The following MDM4 variants were observed in gnomAD, a reference collection of about 807,000 sequenced individuals.
The protein encoded by MDM4 is protein Mdm4.
Under a neutral mutation model 60.2 loss-of-function variants are expected in MDM4, and 2 were observed. The ratio of observed to expected loss-of-function variants is 0.03; its 90% CI spans 0.01 to 0.10. MDM4 has a LOEUF of 0.10. Ranked by LOEUF, MDM4 falls within the 10% of genes least tolerant of loss-of-function variation. MDM4 has a pLI of 1.00. For missense variants in MDM4, 447 were observed against 577.5 expected, an observed-to-expected ratio of 0.77 and a Z score of 2.32; for synonymous variants, 202 against 198.1, an observed-to-expected ratio of 1.02 and a Z score of -0.17.
At chr1:204,528,589 C>T (rs888784809) in intron 3 of MDM4, among the ~76,000 whole-genome samples, 5 of 152,188 alleles carry the variant, frequency 3.3e-5, no homozygotes, top group Non-Finnish European at 5.9e-5. Context: ...CACTCAACTG[C>T]TCATGGCCGT....
In MDM4 at chr1:204,550,019, A is replaced by G. The variant is rs1477645186; in HGVS notation, c.*337A>G. On this transcript the variant is annotated 3_prime_UTR_variant, in exon 11 of 11. Transcript: ENST00000367182. ...AAAGTGTTTCCTTCTAACGAGTTGT[A>G]GAAATCTGAGTAACCACCCAAAAAA... The G allele has an allele frequency of 4.0e-6, 1 of 249,822 alleles. No individual in the cohort carries two copies. 15.5% of individuals were successfully genotyped at this position (249,822 alleles called of 1,614,324 possible). A position where few individuals can be genotyped will look rare whatever the true frequency, so the allele number is the denominator to read the frequency against.
chr1:204,538,869 C>CTTTT (rs34355422), intron 7 of MDM4, among the ~76,000 whole-genome samples: 7 of 117,678 alleles, frequency 5.9e-5, no homozygotes, highest in Non-Finnish European at 1.0e-4. Flanking sequence ...CCACGCCTGG[C>CTTTT]TTTTTTTTTT....
At chr1:204,535,429 T>G (rs1233151752) in intron 5 of MDM4, among the ~76,000 whole-genome samples, 1 of 152,192 alleles carries the variant, frequency 6.6e-6, no homozygotes, top group East Asian at 1.9e-4. Context: ...AGTACTGGGA[T>G]TACAGGCGTG....
Position 204,544,660 on chromosome 1 carries a change from A to G in MDM4, c.798A>G (p.Glu266=), listed in dbSNP as rs778004924. 12 of 1,612,872 alleles carry G rather than the reference A, an allele frequency of 7.4e-6. No homozygotes were observed. Among genetic ancestry groups the G allele is most frequent in the Non-Finnish European group, 9.3e-6 (11 of 1,179,076 alleles). Residue 266 remains glutamate (E), a synonymous_variant, in exon 9 of 11, where the codon GAA becomes GAG. Coordinates refer to ENST00000367182, the MANE Select transcript of MDM4 (RefSeq NM_002393.5). ...CTGATACTGAACAAACAAGTGAAGA[A>G]GTAGGGAAAGTAAGTGACAAAAAGG... The part of the protein sequence containing the change: ...EAADTEQTSE[E]VGKVSDKKVI...
chr1:204,521,172 A>T (rs566395784), intron 1 of MDM4, among the ~76,000 whole-genome samples: 133 of 152,322 alleles, frequency 8.7e-4, no homozygotes, highest in African/African-American at 3.0e-3. Flanking sequence ...GTTTATATGT[A>T]TGCCTGGTAC....
chr1:204,529,439 A>T, intron 3 of MDM4: 2 of 1,499,018 alleles, frequency 1.3e-6, no homozygotes, highest in Non-Finnish European at 1.8e-6. Context: ...GGCCCCCTGG[A>T]GCTGTACCAT....
intron 5 of MDM4, chr1:204,532,529 T>C: frequency 1.8e-6 from 1 of 553,788 alleles, no homozygotes; most frequent in Non-Finnish European, 3.1e-6. Flanking sequence ...AGGACTTTTT[T>C]CTCCAAACAT....
intron 9 of MDM4, 81 bp downstream of exon 9, chr1:204,544,765 T>A (rs966767650): frequency 7.1e-6 from 9 of 1,266,242 alleles, no homozygotes; most frequent in Non-Finnish European, 7.6e-6. Flanking sequence ...TATCTGTTTT[T>A]ACAACAGATT....
intron 1 of MDM4, among the ~76,000 whole-genome samples, chr1:204,522,940 G>T (rs1423797856): frequency 6.7e-6 from 1 of 149,154 alleles, no homozygotes; most frequent in African/African-American, 2.5e-5. Context: ...TCAGCTCACT[G>T]CAACCTCCGC....
chr1:204,528,836 T>G, intron 3 of MDM4: 1 of 1,511,112 alleles, frequency 6.6e-7, no homozygotes, highest in Non-Finnish European at 9.2e-7. Context: ...TCTCCACAGA[T>G]GGGTTGGGTC....
rs1212407814 is a variant in MDM4 at position 204,558,002 on chromosome 1, GT to G, written c.*8324del. ...AAGGCATTTTCTGCATTCTTGCCTA[GT>G]TTTCCTTATAAGCACCACTAAGTTA... On this transcript the variant is annotated 3_prime_UTR_variant, in exon 11 of 11. Coordinates refer to ENST00000367182, the MANE Select transcript of MDM4 (RefSeq NM_002393.5). The G allele has an allele frequency of 5.4e-6, 1 of 185,606 alleles. No homozygotes were observed. Among genetic ancestry groups the G allele is most frequent in the Non-Finnish European group, 1.1e-5 (1 of 88,000 alleles). 11.5% of individuals were successfully genotyped at this position (185,606 alleles called of 1,614,324 possible). A position where few individuals can be genotyped will look rare whatever the true frequency, so the allele number is the denominator to read the frequency against.
intron 7 of MDM4, among the ~76,000 whole-genome samples, chr1:204,539,941 T>C (rs751272871): frequency 3.3e-5 from 5 of 152,088 alleles, no homozygotes; most frequent in Non-Finnish European, 7.4e-5. Context: ...TTTAAAATAT[T>C]ACAAAAAACT....
intron 2 of MDM4, 137 bp downstream of exon 2, chr1:204,525,733 A>G: frequency 1.6e-6 from 1 of 622,852 alleles, no homozygotes; most frequent in Non-Finnish European, 2.7e-6. Flanking sequence ...GGTGTTTGAG[A>G]CCAGCCTTGG....
At chr1:204,540,417 T>C (rs905960655) in intron 7 of MDM4, among the ~76,000 whole-genome samples, 1 of 152,118 alleles carries the variant, frequency 6.6e-6, no homozygotes, top group Admixed American at 6.5e-5. Flanking sequence ...TTCCATTAGA[T>C]ATGTTGTGGT....
intron 1 of MDM4, among the ~76,000 whole-genome samples, chr1:204,520,026 C>G (rs1406506046): frequency 2.0e-5 from 3 of 152,098 alleles, no homozygotes; most frequent in Non-Finnish European, 4.4e-5. Context: ...GCCTGTAATC[C>G]CAGCACTTTG....
At chr1:204,529,067 C>T in intron 3 of MDM4, 3 of 1,470,174 alleles carry the variant, frequency 2.0e-6, no homozygotes, top group Non-Finnish European at 2.8e-6. Context: ...CCATTTGGGA[C>T]AGAGCTTGCT....
intron 3 of MDM4, among the ~76,000 whole-genome samples, chr1:204,527,163 G>A (rs1046188922): frequency 1.3e-5 from 2 of 150,702 alleles, no homozygotes; most frequent in African/African-American, 4.9e-5. Context: ...AATTGGGCGG[G>A]CATGGTGGTC....
rs1298512094 is a variant in MDM4 at position 204,549,857 on chromosome 1, T to G, written c.*175T>G. The G allele has an allele frequency of 4.0e-6, 2 of 498,092 alleles. No homozygotes were observed. Among genetic ancestry groups the G allele is most frequent in the Non-Finnish European group, 7.0e-6 (2 of 287,250 alleles). 30.9% of individuals were successfully genotyped at this position (498,092 alleles called of 1,614,324 possible). ...CAATGAAGAACAGAAGTAATCTGAT[T>G]AGTCAAATTATTAAGTGCCATGGAT... On this transcript the variant is annotated 3_prime_UTR_variant, in exon 11 of 11. Coordinates refer to ENST00000367182, the MANE Select transcript of MDM4 (RefSeq NM_002393.5).
In MDM4 at chr1:204,549,189, G is replaced by A; in HGVS notation, c.980G>A (p.Arg327Lys). The change falls in exon 11 of 11, where the codon AGG becomes AAG. Residue 327 changes from arginine (R) to lysine (K), a missense_variant. Physicochemically the swap from Arg to Lys is conservative, Grantham distance 26. Coordinates refer to ENST00000367182, the MANE Select transcript of MDM4 (RefSeq NM_002393.5). The part of the protein sequence containing the change: ...KRYCFRCWAL[R>K]KDWYSDCSKL... ...TACTGTTTTCGTTGTTGGGCCTTGAGGAAGGATTGGTATTCAGATTGTTCA... is the reference window on the plus strand; with the variant it reads ...TACTGTTTTCGTTGTTGGGCCTTGAAGAAGGATTGGTATTCAGATTGTTCA... The A allele has an allele frequency of 6.2e-7, 1 of 1,613,962 alleles. No individual in the cohort carries two copies. The highest frequency in any genetic ancestry group is 8.5e-7 in the Non-Finnish European group (1 of 1,179,836).
Sources: allele counts gnomAD v4.1 joint callset (sites outside exome capture counted in the v4.1 genomes callset), GRCh38; gene constraint gnomAD v4.1.1; transcripts MANE v1.5; gene names NCBI Gene and HGNC (gene_info 2026-07-23, HGNC 2026-07-21).